POU6F2: variants seen among roughly 807,000 people sequenced by gnomAD.
POU6F2 encodes POU domain, class 6, transcription factor 2.
POU6F2 carries 31 observed loss-of-function variants against 71.3 expected under a neutral mutation model. The observed-to-expected ratio is 0.43, with a 90% CI of 0.33 to 0.59. The LOEUF is 0.59. Ranked by LOEUF, POU6F2 falls within the 20% of genes least tolerant of loss-of-function variation. The pLI is 0.04. For synonymous variants in POU6F2, 347 were observed against 355.7 expected (o/e 0.98, Z 0.27); for missense variants, 783 against 856.8 (o/e 0.91, Z 1.07).
chr7:39,117,889 C>G (rs1031048730), intron 2 of POU6F2, among the ~76,000 whole-genome samples: 1 of 152,044 alleles, frequency 6.6e-6, no homozygotes, highest in African/African-American at 2.4e-5. Flanking sequence ...TCAGGGACAC[C>G]CAGCCCAGCA....
chr7:39,043,238 A>G (rs1790225392), intron 1 of POU6F2, among the ~76,000 whole-genome samples: 2 of 151,968 alleles, frequency 1.3e-5, no homozygotes, highest in Admixed American at 6.6e-5. Flanking sequence ...CCACCTTTTT[A>G]TGTAAAAATG....
intron 1 of POU6F2, among the ~76,000 whole-genome samples, chr7:38,978,545 T>C (rs1314794551): frequency 2.0e-5 from 3 of 152,190 alleles, no homozygotes; most frequent in Non-Finnish European, 4.4e-5. Flanking sequence ...ACATGTGCCT[T>C]GACTTCTAAC....
chr7:39,265,550 G>A (rs73128418), intron 4 of POU6F2, among the ~76,000 whole-genome samples: 47,254 of 152,026 alleles, frequency 0.31, 8,112 homozygotes, highest in East Asian at 0.45. Context: ...TAGTTTTACC[G>A]TTGAAATACT....
intron 4 of POU6F2, among the ~76,000 whole-genome samples, chr7:39,320,710 A>G (rs561361934): frequency 6.6e-6 from 1 of 152,214 alleles, no homozygotes; most frequent in Non-Finnish European, 1.5e-5. Context: ...CTATTTATAC[A>G]TACCTATAAA....
At chr7:39,233,935 A>G (rs974927886) in intron 4 of POU6F2, among the ~76,000 whole-genome samples, 2 of 152,130 alleles carry the variant, frequency 1.3e-5, no homozygotes, top group Admixed American at 1.3e-4. Context: ...ATTAAATGGT[A>G]TTCGGCGCAG....
intron 5 of POU6F2, 59 bp downstream of exon 5, chr7:39,340,074 G>A: frequency 2.0e-6 from 3 of 1,513,298 alleles, no homozygotes; most frequent in South Asian, 2.6e-5. Context: ...TCCATGGGGT[G>A]GTGCCATCCC....
At chr7:39,204,116 T>C in intron 2 of POU6F2, 119 bp from the exon 3 acceptor site, 1 of 841,656 alleles carries the variant, frequency 1.2e-6, no homozygotes, top group South Asian at 1.5e-5. Flanking sequence ...TGATAAGTGA[T>C]TTGAGCACTG....
chr7:39,363,480 C>T (rs1252996501), intron 5 of POU6F2, among the ~76,000 whole-genome samples: 2 of 151,324 alleles, frequency 1.3e-5, no homozygotes, highest in Non-Finnish European at 2.9e-5. Context: ...GAAAAAGGTC[C>T]GTGCTGGAGA....
At chr7:39,050,955 G>C (rs956372329) in intron 1 of POU6F2, among the ~76,000 whole-genome samples, 1 of 152,070 alleles carries the variant, frequency 6.6e-6, no homozygotes, top group African/African-American at 2.4e-5. Context: ...TATCATTACT[G>C]TTTGGAGAAA....
chr7:39,201,673 G>A (rs567984379), intron 2 of POU6F2, among the ~76,000 whole-genome samples: 2 of 152,258 alleles, frequency 1.3e-5, no homozygotes, highest in East Asian at 3.9e-4. Context: ...TAGGCTCCTG[G>A]TCAGGAGGAA....
At chr7:39,401,035 C>A (rs1326350391) in intron 5 of POU6F2, among the ~76,000 whole-genome samples, 3 of 152,192 alleles carry the variant, frequency 2.0e-5, no homozygotes, top group Non-Finnish European at 2.9e-5. Context: ...AGCTTCCACC[C>A]AGGAAGAGGA....
chr7:39,335,825 G>T (rs750114667), intron 4 of POU6F2, among the ~76,000 whole-genome samples: 1 of 152,202 alleles, frequency 6.6e-6, no homozygotes, highest in Non-Finnish European at 1.5e-5. Context: ...GAAGCCATTG[G>T]GGTGGGGTCT....
chr7:39,335,961 A>G (rs1785765838), intron 4 of POU6F2, among the ~76,000 whole-genome samples: 1 of 152,146 alleles, frequency 6.6e-6, no homozygotes, highest in Non-Finnish European at 1.5e-5. Flanking sequence ...TGTGGCTCCA[A>G]CAGGACAGCC....
At chr7:39,028,422 A>G (rs549448512) in intron 1 of POU6F2, among the ~76,000 whole-genome samples, 6 of 152,250 alleles carry the variant, frequency 3.9e-5, no homozygotes, top group African/African-American at 1.4e-4. Flanking sequence ...ACTCTTTTAT[A>G]TTTTTTAAAC....
At chr7:39,074,400 A>T (rs1053736725) in intron 1 of POU6F2, among the ~76,000 whole-genome samples, 6 of 152,004 alleles carry the variant, frequency 3.9e-5, no homozygotes, top group African/African-American at 1.2e-4. Context: ...GAATTGCTTG[A>T]ACACGGAAGG....
chr7:39,319,339 A>T (rs781739050), intron 4 of POU6F2, among the ~76,000 whole-genome samples: 2 of 152,098 alleles, frequency 1.3e-5, no homozygotes, highest in Admixed American at 6.5e-5. Flanking sequence ...GTTCCTACTG[A>T]TGGGCACTAA....
At chr7:39,343,427 T>A (rs1159870207) in intron 5 of POU6F2, among the ~76,000 whole-genome samples, 1 of 144,068 alleles carries the variant, frequency 6.9e-6, no homozygotes. Flanking sequence ...AAAAAAAAAA[T>A]TCAATACGTA....
intron 4 of POU6F2, among the ~76,000 whole-genome samples, chr7:39,253,189 C>T (rs62453442): frequency 0.13 from 19,661 of 152,220 alleles, 1,296 homozygotes; most frequent in African/African-American, 0.16. Context: ...TCAGCAGAAC[C>T]GCTCCCAGGA....
intron 2 of POU6F2, among the ~76,000 whole-genome samples, chr7:39,118,301 A>G (rs551229651): frequency 3.3e-4 from 50 of 152,298 alleles, no homozygotes; most frequent in African/African-American, 1.1e-3. Context: ...GCCAAAGATT[A>G]CCAGGTATTT....
Sources: allele counts gnomAD v4.1 joint callset (sites outside exome capture counted in the v4.1 genomes callset), GRCh38; gene constraint gnomAD v4.1.1; transcripts MANE v1.5; gene names NCBI Gene and HGNC (gene_info 2026-07-23, HGNC 2026-07-21).